ITGA2B: variants seen among roughly 807,000 people sequenced by gnomAD.
The protein encoded by ITGA2B is integrin subunit alpha 2b, also known as integrin alpha-IIb.
In ITGA2B, 91 loss-of-function variants were observed where a neutral mutation model predicts 142.0. That is an observed-to-expected ratio of 0.64 (90% CI 0.54 to 0.76). The LOEUF is 0.76. Ranked by LOEUF, ITGA2B falls within the 30% of genes least tolerant of loss-of-function variation. The pLI, the probability that ITGA2B is intolerant of heterozygous loss-of-function variation, is 0.00. For synonymous variants in ITGA2B, 536 were observed against 567.2 expected (o/e 0.94, Z 0.78); for missense variants, 1,231 against 1,350.8 (o/e 0.91, Z 1.39).
intron 29 of ITGA2B, among the ~76,000 whole-genome samples, chr17:44,373,091 T>C (rs2048510743): frequency 6.6e-6 from 1 of 152,176 alleles, no homozygotes; most frequent in South Asian, 2.1e-4. Context: ...CTCACTATGC[T>C]GTCCCAAACT....
rs771008485 is a variant in ITGA2B, at chr17:44,378,504, C to T, written c.1952G>A (p.Gly651Asp). 6.2e-7 allele frequency: 1 copy of T among 1,613,632 alleles called. No individual in the cohort carries two copies. Among genetic ancestry groups the T allele is most frequent in the South Asian group, 1.1e-5 (1 of 90,894 alleles). Residue 651 changes from glycine (G) to aspartate (D), a missense_variant, in exon 20 of 30, where the codon GGC becomes GAC. Gly to Asp is a moderately conservative substitution (Grantham distance 94, BLOSUM62 -1). Around this residue, in one of 3 missense-constraint regions of ITGA2B, gnomAD observed 908 missense variants for 1,021.1 expected, o/e 0.89. Coordinates refer to ENST00000262407, the MANE Select transcript of ITGA2B (RefSeq NM_000419.5). ...PQLQLTASVT[G>D]SPLLVGADNV... ...ATCTGCCCCAACTAGGAGCGGGGAG[C>T]CCGTCCTGTGGGGAAAGAGGAGTGA...
At chr17:44,377,382 G>C (rs2048554452) in intron 21 of ITGA2B, among the ~76,000 whole-genome samples, 1 of 151,968 alleles carries the variant, frequency 6.6e-6, no homozygotes, top group Non-Finnish European at 1.5e-5. Context: ...TTTTAGTAGA[G>C]ACGGGGTTTT....
intron 1 of ITGA2B, 28 bp downstream of exon 1, chr17:44,389,258 C>G: frequency 6.2e-7 from 1 of 1,613,534 alleles, no homozygotes; most frequent in Non-Finnish European, 8.5e-7. Flanking sequence ...TGCTCTCTCC[C>G]AATACCCCAA....
At chr17:44,381,135 C>T in intron 12 of ITGA2B, 74 bp from the exon 13 acceptor site, 1 of 1,447,624 alleles carries the variant, frequency 6.9e-7, no homozygotes. Flanking sequence ...CTTTCCTGAG[C>T]TTCTCTGGGA....
intron 5 of ITGA2B, 23 bp from the exon 6 acceptor site, chr17:44,385,232 G>C (rs565317797): frequency 6.2e-7 from 1 of 1,613,996 alleles, no homozygotes; most frequent in Non-Finnish European, 8.5e-7. Context: ...TCCTGAGGGT[G>C]AGAGGGGGCC....
At chr17:44,381,678 G>C (rs181174566) in intron 12 of ITGA2B, among the ~76,000 whole-genome samples, 1 of 150,622 alleles carries the variant, frequency 6.6e-6, no homozygotes, top group African/African-American at 2.4e-5. Context: ...CTGTCATTCA[G>C]GCTGAAGTGC....
chr17:44,373,906 T>G (rs1448868656), intron 29 of ITGA2B: 1 of 180,308 alleles, frequency 5.5e-6, no homozygotes, highest in African/African-American at 3.2e-5. Context: ...AGACATTCTA[T>G]TTTTTTCTTT....
Position 44,377,079 on chromosome 17 carries a change from C to T in ITGA2B, c.2197G>A (p.Ala733Thr), listed in dbSNP as rs780953266. The T allele has an allele frequency of 8.2e-6, 13 of 1,577,340 alleles. No homozygotes were observed. The highest frequency in any genetic ancestry group is 1.7e-4 in the Middle Eastern group (1 of 6,044). ...AGATTCCCCACGCTCACCAACATCG[C>T]GATTCCTATCTGGGAGATGAGGAGG... is the stretch of plus-strand genomic sequence containing the variant. Reference protein sequence around the residue: ...PMKKNAQIGIAMLVSVGNLEE... With the variant: ...PMKKNAQIGITMLVSVGNLEE... The change falls in exon 22 of 30, where the codon GCG (alanine) becomes ACG (threonine). Residue 733 changes from alanine (A) to threonine (T), a missense_variant. Ala to Thr is a moderately conservative substitution (Grantham distance 58). This residue lies in a region of ITGA2B where 908 missense variants were observed against 1,021.1 expected (regional missense o/e 0.89). Coordinates refer to ENST00000262407, the MANE Select transcript of ITGA2B (RefSeq NM_000419.5).
At position 44,385,940 on chromosome 17, in the gene ITGA2B, G is replaced by A; in HGVS notation, c.311-19C>T. ...TCATCACCTGGAAGGCACAAGAAGG[G>A]GTGGGGCGCTGAAGCCCGGCAGTCC... On this transcript the variant is annotated intron_variant, in intron 2 of 29. Coordinates refer to ENST00000262407, the MANE Select transcript of ITGA2B (RefSeq NM_000419.5). The A allele has an allele frequency of 3.1e-6, 5 of 1,614,008 alleles. No homozygotes were observed. Among genetic ancestry groups the A allele is most frequent in the Non-Finnish European group, 4.2e-6 (5 of 1,179,952 alleles).
intron 1 of ITGA2B, among the ~76,000 whole-genome samples, chr17:44,387,552 A>C (rs1240824496): frequency 2.1e-5 from 3 of 146,106 alleles, no homozygotes; most frequent in Non-Finnish European, 3.0e-5. Context: ...AAGTCTGGGC[A>C]TGGTGGCTGA....
intron 12 of ITGA2B, among the ~76,000 whole-genome samples, chr17:44,382,482 T>A (rs904600989): frequency 2.0e-5 from 3 of 152,060 alleles, no homozygotes; most frequent in African/African-American, 7.2e-5. Context: ...CCTCCCCTTC[T>A]TTTTTCTTTC....
chr17:44,386,232 G>A (rs1397711077), intron 1 of ITGA2B, 101 bp from the exon 2 acceptor site: 2 of 1,508,844 alleles, frequency 1.3e-6, no homozygotes, highest in Admixed American at 3.9e-5. Flanking sequence ...TGGCATGGGG[G>A]CACTGGACCA....
intron 12 of ITGA2B, among the ~76,000 whole-genome samples, chr17:44,381,383 G>A (rs1033412885): frequency 6.6e-6 from 1 of 151,476 alleles, no homozygotes; most frequent in Non-Finnish European, 1.5e-5. Context: ...TGGCTGGAGT[G>A]CAGTGGTGCG....
At chr17:44,378,794 T>A (rs1352044571) in intron 18 of ITGA2B, 84 bp from the exon 19 acceptor site, 3 of 1,294,462 alleles carry the variant, frequency 2.3e-6, no homozygotes, top group Non-Finnish European at 3.3e-6. Flanking sequence ...AACAGTGGGC[T>A]TGGGGTTCAC....
Position 44,372,339 on chromosome 17 carries a change from T to TG in ITGA2B, c.*24dup, listed in dbSNP as rs1382289295. The stretch of plus-strand genomic sequence containing the variant: ...GTGCAGGTAGCACGCCCAACCCTCC[T>TG]GCTAGAATAGTGTAGGCTGCACCAT... On this transcript the variant is annotated 3_prime_UTR_variant, in exon 30 of 30. Coordinates refer to ENST00000262407, the MANE Select transcript of ITGA2B (RefSeq NM_000419.5). The TG allele has an allele frequency of 1.9e-6, 3 of 1,613,454 alleles. No individual in the cohort carries two copies. The highest frequency in any genetic ancestry group is 2.5e-6 in the Non-Finnish European group (3 of 1,179,532).
chr17:44,387,066 TA>T (rs552210466), intron 1 of ITGA2B, among the ~76,000 whole-genome samples: 75 of 151,722 alleles, frequency 4.9e-4, no homozygotes, highest in African/African-American at 1.7e-3. Flanking sequence ...TGGCCCATAA[TA>T]TTTTTTTAGC....
In ITGA2B at chr17:44,380,008, GA is replaced by G; in HGVS notation, c.1745del (p.Phe582SerfsTer12). ...HSPICHTTMA[F>X]LRDEADFRDK... ...ATCCCCTGCCTGGGCGTACTCGAAGGAAGGCCATGGTGGTGTGGCAGATGGG... is the reference window on the plus strand; with the variant it reads ...ATCCCCTGCCTGGGCGTACTCGAAGGAGGCCATGGTGGTGTGGCAGATGGG... On this transcript the variant is annotated frameshift_variant, in exon 17 of 30. Transcript: ENST00000262407. LOFTEE classifies it high-confidence loss of function. 1 of 1,613,470 alleles carries G rather than the reference GA, an allele frequency of 6.2e-7. No individual in the cohort carries two copies.
Position 44,376,330 on chromosome 17 carries a change from C to T in ITGA2B, c.2326G>A (p.Glu776Lys), listed in dbSNP as rs1302591170. The change falls in exon 23 of 30, where the codon GAG (glutamate) becomes AAG (lysine). Residue 776 changes from glutamate (E) to lysine (K), a missense_variant. Coordinates refer to ENST00000262407, the MANE Select transcript of ITGA2B (RefSeq NM_000419.5). ...IVLLDVPVRA[E>K]AQVELRGNSF... ...CACCCTCGCAGCTCCACTTGGGCCT[C>T]TGCCCGGACCGGCACGTCCAGCAGC... 6.2e-7 allele frequency: 1 copy of T among 1,614,094 alleles called. No homozygotes were observed. The highest frequency in any genetic ancestry group is 8.5e-7 in the Non-Finnish European group (1 of 1,180,044).
intron 25 of ITGA2B, 55 bp downstream of exon 25, chr17:44,375,778 C>G (rs757630817): frequency 1.3e-4 from 207 of 1,556,924 alleles, no homozygotes; most frequent in Non-Finnish European, 1.7e-4. Flanking sequence ...ACAGAGGTGC[C>G]CCGGTGGTTG....
Sources: gnomAD v4.1 joint callset for allele counts (sites outside exome capture counted in the v4.1 genomes callset) on GRCh38, gnomAD v4.1.1 for gene constraint, gnomAD v4.1.1 regional missense constraint, MANE v1.5 for transcripts, NCBI Gene and HGNC (gene_info 2026-07-23, HGNC 2026-07-21) for gene names.